Variants in PTPN4 observed in about 807,000 individuals in gnomAD.
PTPN4 encodes the protein protein tyrosine phosphatase non-receptor type 4, also known as tyrosine-protein phosphatase non-receptor type 4.
Under a neutral mutation model 135.5 loss-of-function variants are expected in PTPN4, and 49 were observed. The observed-to-expected ratio is 0.36, with a 90% CI of 0.29 to 0.46. The LOEUF (loss-of-function observed/expected upper bound fraction) is 0.46. PTPN4 is among the 20% of genes least tolerant of loss of function. The pLI is 1.00. For missense variants in PTPN4, 860 were observed against 1,101.0 expected, an observed-to-expected ratio of 0.78 and a Z score of 3.10; for synonymous variants, 333 against 369.9, an observed-to-expected ratio of 0.90 and a Z score of 1.14.
At chr2:119,961,003 A>G in intron 23 of PTPN4, 50 bp downstream of exon 23, 3 of 1,564,648 alleles carry the variant, frequency 1.9e-6, no homozygotes, top group Non-Finnish European at 2.6e-6. Context: ...TTCAAATTAT[A>G]CTGCACATAT....
At chr2:119,973,767 T>C (rs949024435) in intron 26 of PTPN4, among the ~76,000 whole-genome samples, 1 of 149,058 alleles carries the variant, frequency 6.7e-6, no homozygotes, top group Non-Finnish European at 1.5e-5. Flanking sequence ...CTCAAGGTGG[T>C]GTTCTCTGTG....
chr2:119,924,408 A>G (rs1678785505), intron 12 of PTPN4, among the ~76,000 whole-genome samples: 1 of 152,064 alleles, frequency 6.6e-6, no homozygotes, highest in African/African-American at 2.4e-5. Context: ...ATATACATGA[A>G]TTTCAGAATG....
intron 1 of PTPN4, among the ~76,000 whole-genome samples, chr2:119,785,518 A>G (rs915065215): frequency 9.2e-5 from 14 of 152,262 alleles, no homozygotes; most frequent in African/African-American, 3.1e-4. Context: ...ATACTGTTAT[A>G]TATTATATAT....
At chr2:119,968,434 G>C (rs1181578202) in intron 26 of PTPN4, among the ~76,000 whole-genome samples, 1 of 152,148 alleles carries the variant, frequency 6.6e-6, no homozygotes, top group Non-Finnish European at 1.5e-5. Context: ...GGAGAGTCTT[G>C]ATAGACCTGC....
chr2:119,783,960 C>T (rs1243480938), intron 1 of PTPN4, among the ~76,000 whole-genome samples: 2 of 152,142 alleles, frequency 1.3e-5, no homozygotes. Flanking sequence ...ATCCACTTCG[C>T]AGATTGCTTA....
intron 26 of PTPN4, among the ~76,000 whole-genome samples, chr2:119,969,595 G>C (rs1472904973): frequency 9.8e-6 from 1 of 102,148 alleles, no homozygotes; most frequent in Non-Finnish European, 1.8e-5. Context: ...GTCTCGCTTT[G>C]TCGCCCAGGC....
intron 2 of PTPN4, among the ~76,000 whole-genome samples, chr2:119,850,833 T>A (rs1187350582): frequency 2.6e-5 from 4 of 152,256 alleles, no homozygotes; most frequent in Admixed American, 1.3e-4. Flanking sequence ...TGTACATTAT[T>A]ACTTGATTGA....
At chr2:119,883,557 A>G (rs950546476) in intron 8 of PTPN4, among the ~76,000 whole-genome samples, 1 of 152,200 alleles carries the variant, frequency 6.6e-6, no homozygotes, top group African/African-American at 2.4e-5. Context: ...GTGCTTCAAT[A>G]TACAATTCAG....
At chr2:119,956,236 A>ATT (rs1558774437) in intron 20 of PTPN4, among the ~76,000 whole-genome samples, 124 of 88,026 alleles carry the variant, frequency 1.4e-3, no homozygotes, top group Non-Finnish European at 2.6e-3. Context: ...AATAAACCTG[A>ATT]ATTTTTTTTT....
At chr2:119,956,114 C>G (rs1679277774) in intron 20 of PTPN4, among the ~76,000 whole-genome samples, 1 of 151,908 alleles carries the variant, frequency 6.6e-6, no homozygotes, top group Admixed American at 6.6e-5. Flanking sequence ...ATCATTATAT[C>G]CAATGAACTA....
intron 15 of PTPN4, among the ~76,000 whole-genome samples, chr2:119,935,889 AT>A (rs1678974997): frequency 6.6e-6 from 1 of 152,212 alleles, no homozygotes. Context: ...AAAAAGCCTA[AT>A]TATTACAAAC....
intron 2 of PTPN4, among the ~76,000 whole-genome samples, chr2:119,841,043 T>G (rs551933388): frequency 6.6e-6 from 1 of 152,048 alleles, no homozygotes; most frequent in South Asian, 2.1e-4. Context: ...CTGATAGGCT[T>G]TTTTCTTTTT....
chr2:119,907,269 A>G (rs1253093458), intron 10 of PTPN4, among the ~76,000 whole-genome samples: 2 of 152,184 alleles, frequency 1.3e-5, no homozygotes, highest in South Asian at 2.1e-4. Context: ...CAAAATATCA[A>G]TGACATTCTT....
intron 2 of PTPN4, among the ~76,000 whole-genome samples, chr2:119,844,141 C>T (rs113584585): frequency 6.3e-5 from 6 of 95,106 alleles, no homozygotes; most frequent in Non-Finnish European, 1.1e-4. Context: ...GGCGGCTGGC[C>T]GGGCGGGGGG....
At chr2:119,763,603 G>A (rs1361040889) in intron 1 of PTPN4, among the ~76,000 whole-genome samples, 3 of 152,076 alleles carry the variant, frequency 2.0e-5, no homozygotes, top group Admixed American at 6.5e-5. Flanking sequence ...TCTTTAGATC[G>A]GTTCTGTCCA....
chr2:119,799,342 C>T (rs541393990), intron 1 of PTPN4, among the ~76,000 whole-genome samples: 1 of 152,096 alleles, frequency 6.6e-6, no homozygotes, highest in African/African-American at 2.4e-5. Context: ...ACAAACTATC[C>T]AATCCAAAGT....
At chr2:119,948,269 T>C (rs1271259723) in intron 18 of PTPN4, among the ~76,000 whole-genome samples, 1 of 151,974 alleles carries the variant, frequency 6.6e-6, no homozygotes. Flanking sequence ...AATAGAGAGA[T>C]GTTAGAGATG....
chr2:119,971,176 A>G (rs1159393948), intron 26 of PTPN4, among the ~76,000 whole-genome samples: 2 of 152,198 alleles, frequency 1.3e-5, no homozygotes, highest in African/African-American at 4.8e-5. Context: ...GGAAACTTAC[A>G]ATCATGGTGG....
chr2:119,918,647 A>G (rs565016154), intron 11 of PTPN4, among the ~76,000 whole-genome samples: 44 of 152,202 alleles, frequency 2.9e-4, no homozygotes, highest in Non-Finnish European at 5.4e-4. Context: ...CACATATGCT[A>G]CTGGTGGGAG....
Sources: gnomAD v4.1 joint callset for allele counts (sites outside exome capture counted in the v4.1 genomes callset) on GRCh38, gnomAD v4.1.1 for gene constraint, MANE v1.5 for transcripts, NCBI Gene and HGNC (gene_info 2026-07-23, HGNC 2026-07-21) for gene names.